MYO18B: variants seen among roughly 807,000 people sequenced by gnomAD.
The protein encoded by MYO18B is unconventional myosin-XVIIIb.
Under a neutral mutation model 273.0 loss-of-function variants are expected in MYO18B, and 204 were observed. The ratio of observed to expected loss-of-function variants is 0.75; its 90% confidence interval spans 0.67 to 0.84. The LOEUF (loss-of-function observed/expected upper bound fraction) is 0.84. Among genes scored for constraint, MYO18B ranks in the 40% least tolerant of loss-of-function variants. MYO18B has a pLI of 0.00. For synonymous variants in MYO18B, 1,330 were observed against 1,305.7 expected (o/e 1.02, Z -0.40); for missense variants, 3,212 against 3,287.6 (o/e 0.98, Z 0.56).
At chr22:26,037,697 T>C in the MYO18B span, among the ~76,000 whole-genome samples, 1 of 152,220 alleles carries the variant, frequency 6.6e-6, no homozygotes, top group Admixed American at 6.5e-5. Flanking sequence ...GATTGTTCCA[T>C]AGGTGCCCAG....
At chr22:25,795,385 G>GA (rs2087865584) in intron 11 of MYO18B, among the ~76,000 whole-genome samples, 1 of 152,112 alleles carries the variant, frequency 6.6e-6, no homozygotes, top group South Asian at 2.1e-4. Context: ...CTTCTGTTCA[G>GA]AAAAAAGACA....
chr22:25,917,165 A>G (rs2092273538), intron 33 of MYO18B, among the ~76,000 whole-genome samples: 1 of 152,266 alleles, frequency 6.6e-6, no homozygotes, highest in Admixed American at 6.5e-5. Context: ...TCAACATTAC[A>G]TACGAATATA....
intron 6 of MYO18B, among the ~76,000 whole-genome samples, chr22:25,771,635 C>T (rs1464612176): frequency 6.6e-6 from 1 of 152,164 alleles, no homozygotes; most frequent in Non-Finnish European, 1.5e-5. Flanking sequence ...CTCTGCCCAC[C>T]TCAGGCTTTC....
chr22:25,756,619 G>A (rs1257180772), intron 1 of MYO18B: 1 of 152,284 alleles, frequency 6.6e-6, no homozygotes, highest in Non-Finnish European at 1.5e-5. Flanking sequence ...GATGAATAGT[G>A]GGGGCTTCAG....
chr22:25,833,844 C>T (rs1296722527), intron 16 of MYO18B, among the ~76,000 whole-genome samples: 1 of 152,190 alleles, frequency 6.6e-6, no homozygotes. Context: ...TGCAGGCTGC[C>T]CCTCCCCTTT....
rs770302872 is a variant in MYO18B, at chr22:25,868,302, C to T, written c.3886-18C>T. 6.9e-6 allele frequency: 11 copies of T among 1,589,968 alleles called. No individual in the cohort carries two copies. The East Asian group carries it at 2.5e-4, about 36-fold the overall frequency. On this transcript the variant is annotated intron_variant, in intron 21 of 43. Transcript: ENST00000335473. ...CTACCTTCTATGCTGTCTAACTTCT[C>T]TCTAATTTTTTCCCCAGGCCGTGGA...
chr22:25,758,036 C>A (rs1436123910), intron 1 of MYO18B, among the ~76,000 whole-genome samples: 1 of 152,138 alleles, frequency 6.6e-6, no homozygotes, highest in Non-Finnish European at 1.5e-5. Context: ...GTTTTTGAGA[C>A]CAAGTCTCAC....
At chr22:26,023,890 T>A (rs1569305040) in intron 42 of MYO18B, among the ~76,000 whole-genome samples, 1 of 152,198 alleles carries the variant, frequency 6.6e-6, no homozygotes, top group South Asian at 2.1e-4. Context: ...TCCAAAGCAA[T>A]GAAGTTGACA....
chr22:26,063,220 G>A, the MYO18B span, among the ~76,000 whole-genome samples: 1 of 152,202 alleles, frequency 6.6e-6, no homozygotes, highest in African/African-American at 2.4e-5. Flanking sequence ...AGGCCTTCCA[G>A]CTGAGAAGCA....
At chr22:25,789,490 G>A (rs1287677675) in intron 11 of MYO18B, among the ~76,000 whole-genome samples, 1 of 151,912 alleles carries the variant, frequency 6.6e-6, no homozygotes, top group Admixed American at 6.6e-5. Context: ...ACAAAAATTA[G>A]CCAGGTGTGG....
At chr22:25,821,869 T>G (rs2089294615) in intron 12 of MYO18B, among the ~76,000 whole-genome samples, 1 of 152,222 alleles carries the variant, frequency 6.6e-6, no homozygotes, top group South Asian at 2.1e-4. Flanking sequence ...GGTAGAAAAT[T>G]TGGAAAATAA....
At chr22:25,955,425 C>T in intron 39 of MYO18B, 61 bp downstream of exon 39, 3 of 1,515,910 alleles carry the variant, frequency 2.0e-6, no homozygotes, top group East Asian at 2.3e-5. Flanking sequence ...GGTAGACCCC[C>T]CTTTCTTAAG....
At chr22:25,751,195 G>A (rs2085921111) in intron 1 of MYO18B, among the ~76,000 whole-genome samples, 1 of 152,194 alleles carries the variant, frequency 6.6e-6, no homozygotes, top group Admixed American at 6.5e-5. Context: ...ATTTTGTCGT[G>A]TCCCCTCCTG....
At chr22:26,060,821 T>C in the MYO18B span, among the ~76,000 whole-genome samples, 1 of 137,878 alleles carries the variant, frequency 7.3e-6, no homozygotes, top group Non-Finnish European at 1.6e-5. Flanking sequence ...AACACATGCA[T>C]ACATATATAC....
intron 12 of MYO18B, among the ~76,000 whole-genome samples, chr22:25,814,898 A>G (rs1203450458): frequency 6.6e-6 from 1 of 152,234 alleles, no homozygotes; most frequent in Non-Finnish European, 1.5e-5. Context: ...GGCTCAGAGA[A>G]GTAAAGTAAG....
At chr22:25,833,621 G>C (rs899116933) in intron 16 of MYO18B, among the ~76,000 whole-genome samples, 1 of 152,128 alleles carries the variant, frequency 6.6e-6, no homozygotes, top group Non-Finnish European at 1.5e-5. Context: ...AAGTGCTTGG[G>C]CCATGAAACC....
chr22:26,038,343 G>A, the MYO18B span, among the ~76,000 whole-genome samples: 28 of 152,118 alleles, frequency 1.8e-4, no homozygotes, highest in Non-Finnish European at 7.4e-5. Context: ...GAGCTGTATG[G>A]GTGGGCAAGG....
intron 39 of MYO18B, among the ~76,000 whole-genome samples, chr22:25,987,578 C>T (rs917644748): frequency 6.6e-6 from 1 of 152,020 alleles, no homozygotes; most frequent in Admixed American, 6.5e-5. Context: ...CATACAATAG[C>T]ACCATTCATT....
intron 21 of MYO18B, among the ~76,000 whole-genome samples, chr22:25,860,060 A>G (rs561391307): frequency 2.6e-4 from 40 of 152,296 alleles, no homozygotes; most frequent in African/African-American, 8.4e-4. Context: ...TGGATATTCA[A>G]TTGTCCCAGT....
Sources: allele counts gnomAD v4.1 joint callset (sites outside exome capture counted in the v4.1 genomes callset), GRCh38; gene constraint gnomAD v4.1.1; transcripts MANE v1.5; gene names NCBI Gene and HGNC (gene_info 2026-07-23, HGNC 2026-07-21).